The following DHRS4L2 variants were observed in gnomAD, a reference collection of about 807,000 sequenced individuals.
DHRS4L2 encodes the protein dehydrogenase/reductase SDR family member 4-like 2.
DHRS4L2 carries 22 observed loss-of-function variants against 23.9 expected under a neutral mutation model. The ratio of observed to expected loss-of-function variants is 0.92; its 90% confidence interval spans 0.66 to 1.31. DHRS4L2 has a LOEUF of 1.31. Ranked by LOEUF, DHRS4L2 falls within the 40% of genes most tolerant of loss-of-function variation. DHRS4L2 has a pLI of 0.00. For synonymous variants in DHRS4L2, 141 were observed against 123.7 expected (o/e 1.14, Z -0.93); for missense variants, 385 against 303.3 (o/e 1.27, Z -2.00).
chr14:23,984,979 G>A (rs772562128), upstream of DHRS4L2, among the ~76,000 whole-genome samples: 1 of 151,338 alleles, frequency 6.6e-6, no homozygotes, highest in Non-Finnish European at 1.5e-5. Flanking sequence ...TATTTACTGA[G>A]TAAAGGAGAT....
intron 1 of DHRS4L2, among the ~76,000 whole-genome samples, chr14:23,977,637 G>C (rs1306523553): frequency 6.6e-6 from 1 of 151,740 alleles, no homozygotes; most frequent in East Asian, 1.9e-4. Context: ...TGAGTCGTAT[G>C]TGGTTATAAC....
At chr14:23,978,944 C>T (rs2034013061) in intron 1 of DHRS4L2, among the ~76,000 whole-genome samples, 1 of 144,246 alleles carries the variant, frequency 6.9e-6, no homozygotes, top group South Asian at 2.4e-4. Context: ...TCACACATAA[C>T]AATATTAACC....
chr14:24,004,700 C>T, intron 7 of DHRS4L2: 1 of 507,616 alleles, frequency 2.0e-6, no homozygotes, highest in Non-Finnish European at 3.4e-6. Flanking sequence ...GGGACCATAA[C>T]CAAAACCATG....
chr14:23,989,005 G>C lies in DHRS4L2; in HGVS notation c.58G>C (p.Ala20Pro), dbSNP rs147391934. Residue 20 changes from alanine (A) to proline (P), a missense_variant, in exon 1 of 8, where the codon GCC becomes CCC. Ala to Pro is a conservative substitution (Grantham distance 27). Transcript: ENST00000335125. ...CAWARKSVRM[A>P]SSRMTRRDPL... is the part of the protein sequence containing the mutation. ...CTGGGCACGGAAGTCGGTGCGGATG[G>C]CCAGCTCCAGGATGACCCGCCGGGA... 6.8e-6 allele frequency: 11 copies of C among 1,609,958 alleles called. No individual in the cohort carries two copies. The African/African-American group carries it at 1.5e-4, about 21-fold the overall frequency.
At position 23,990,158 on chromosome 14, in the gene DHRS4L2, G is replaced by A. The variant is rs373711317; in HGVS notation, c.129-24G>A. 1.7e-5 allele frequency: 27 copies of A among 1,612,296 alleles called. No individual in the cohort carries two copies. The African/African-American group carries it at 3.6e-4, about 22-fold the overall frequency. On this transcript the variant is annotated intron_variant, in intron 1 of 7. Transcript: ENST00000335125. ...CTCTTCCCCTGCACAGGCCTTAGCA[G>A]TCTTTGTCTCTTTCTGCTCACAGGA... is the stretch of plus-strand genomic sequence containing the variant.
intron 3 of DHRS4L2, among the ~76,000 whole-genome samples, chr14:23,996,382 C>T (rs1367387292): frequency 2.6e-5 from 4 of 151,342 alleles, no homozygotes; most frequent in Non-Finnish European, 5.9e-5. Context: ...GACCAAACTG[C>T]CAAAATGTTC....
At chr14:24,000,822 C>T (rs1354141282) in intron 3 of DHRS4L2, 41 bp from the exon 4 acceptor site, 2 of 1,564,070 alleles carry the variant, frequency 1.3e-6, no homozygotes, top group Admixed American at 1.7e-5. Context: ...TCCTCCAGTG[C>T]TCTTCACTCA....
At chr14:23,991,676 C>G (rs531145117) in intron 2 of DHRS4L2, among the ~76,000 whole-genome samples, 1 of 151,218 alleles carries the variant, frequency 6.6e-6, no homozygotes, top group East Asian at 1.9e-4. Flanking sequence ...AGAGCACAGG[C>G]TCAGGAGTAC....
At chr14:24,000,815 T>A in intron 3 of DHRS4L2, 48 bp from the exon 4 acceptor site, 1 of 1,539,936 alleles carries the variant, frequency 6.5e-7, no homozygotes, top group Non-Finnish European at 8.9e-7. Flanking sequence ...TCATGCCTCC[T>A]CCAGTGCTCT....
chr14:23,991,296 G>T (rs140157276), intron 2 of DHRS4L2, among the ~76,000 whole-genome samples: 2 of 151,858 alleles, frequency 1.3e-5, no homozygotes, highest in African/African-American at 4.8e-5. Flanking sequence ...CCAAATATGA[G>T]TCCAAGAAAG....
In DHRS4L2 at chr14:23,990,185, C is replaced by T. The variant is rs371338153; in HGVS notation, c.132C>T (p.Ile44=). Reference sequence around the variant, plus strand: ...CTTTGTCTCTTTCTGCTCACAGGATCGGCTTCGCCATCGCCCGGCGTTTGG... The same window carrying T: ...CTTTGTCTCTTTCTGCTCACAGGATTGGCTTCGCCATCGCCCGGCGTTTGG... ...VALVTASTDG[I]GFAIARRLAQ... The change falls in exon 2 of 8, where the codon ATC becomes ATT. Residue 44 remains isoleucine, a synonymous_variant. Transcript: ENST00000335125. 14 of 1,612,592 alleles carry T rather than the reference C, an allele frequency of 8.7e-6. No individual in the cohort carries two copies. Among genetic ancestry groups the T allele is most frequent in the Admixed American group, 1.7e-5 (1 of 59,932 alleles).
At chr14:23,984,433 A>C (rs2034104782), upstream of DHRS4L2, among the ~76,000 whole-genome samples, 1 of 151,662 alleles carries the variant, frequency 6.6e-6, no homozygotes, top group Non-Finnish European at 1.5e-5. Flanking sequence ...TGTCATCAAA[A>C]TGAAGTGTAG....
At chr14:23,993,485 A>G (rs2034311030) in intron 2 of DHRS4L2, among the ~76,000 whole-genome samples, 1 of 151,566 alleles carries the variant, frequency 6.6e-6, no homozygotes, top group Admixed American at 6.6e-5. Context: ...CCAGAGCACA[A>G]AGTTGACCAA....
At chr14:23,972,893 C>A (rs1342929107) in intron 1 of DHRS4L2, among the ~76,000 whole-genome samples, 1 of 151,954 alleles carries the variant, frequency 6.6e-6, no homozygotes, top group African/African-American at 2.4e-5. Context: ...ACTGGACGTG[C>A]ACGTAAGCCA....
At chr14:23,973,304 C>T (rs1478808518) in intron 1 of DHRS4L2, among the ~76,000 whole-genome samples, 1 of 152,010 alleles carries the variant, frequency 6.6e-6, no homozygotes, top group Non-Finnish European at 1.5e-5. Context: ...AGGCCACACC[C>T]ACCCAGAACT....
intron 2 of DHRS4L2, among the ~76,000 whole-genome samples, chr14:23,992,327 C>T (rs2034286797): frequency 6.6e-6 from 1 of 151,426 alleles, no homozygotes; most frequent in South Asian, 2.1e-4. Flanking sequence ...TTTTCCAACC[C>T]CATGTCAAAA....
At chr14:23,984,530 C>T (rs1273262020), upstream of DHRS4L2, among the ~76,000 whole-genome samples, 2 of 151,512 alleles carry the variant, frequency 1.3e-5, no homozygotes, top group Non-Finnish European at 2.9e-5. Flanking sequence ...GGCGCAGTGG[C>T]TCATGCCTGT....
At chr14:23,995,314 C>T (rs1223244855) in intron 3 of DHRS4L2, among the ~76,000 whole-genome samples, 181 bp downstream of exon 3, 2 of 151,734 alleles carry the variant, frequency 1.3e-5, no homozygotes, top group African/African-American at 4.8e-5. Flanking sequence ...CTGCCCTTCT[C>T]ATTCGTTTCT....
At chr14:23,985,808 A>T (rs967013177), upstream of DHRS4L2, among the ~76,000 whole-genome samples, 2 of 151,350 alleles carry the variant, frequency 1.3e-5, no homozygotes, top group African/African-American at 4.9e-5. Flanking sequence ...TCTGCCTCCC[A>T]GGTTCAAGCA....
Sources: gnomAD v4.1 joint callset for allele counts (sites outside exome capture counted in the v4.1 genomes callset) on GRCh38, gnomAD v4.1.1 for gene constraint, MANE v1.5 for transcripts, NCBI Gene and HGNC (gene_info 2026-07-23, HGNC 2026-07-21) for gene names.